The following SH2D1A variants were observed in gnomAD, a reference collection of about 807,000 sequenced individuals.
The protein encoded by SH2D1A is SH2 domain containing 1A.
A neutral mutation model predicts 10.1 loss-of-function variants in SH2D1A; 6 were observed. The observed-to-expected ratio is 0.60, with a 90% confidence interval of 0.33 to 1.18. SH2D1A has a LOEUF of 1.18. Ranked by LOEUF, SH2D1A falls within the 50% of genes most tolerant of loss-of-function variation. The pLI is 0.04. For missense variants in SH2D1A, 51 were observed against 97.6 expected (o/e 0.52, Z 2.01); for synonymous variants, 42 against 36.9 (o/e 1.14, Z -0.51).
chrX:124,358,626 A>G (rs2060031899), intron 1 of SH2D1A, among the ~76,000 whole-genome samples: 1 of 112,357 alleles, frequency 8.9e-6, no homozygotes, highest in South Asian at 3.7e-4. Context: ...CTAAAATAAA[A>G]TTGCATTCTT....
intron 1 of SH2D1A, among the ~76,000 whole-genome samples, chrX:124,348,266 C>A (rs952244185): frequency 9.0e-6 from 1 of 111,321 alleles, no homozygotes; most frequent in African/African-American, 3.3e-5. Flanking sequence ...TTCTTAGGCT[C>A]TTTTCTCATT....
At chrX:124,367,040 A>C (rs1460134717) in intron 2 of SH2D1A, among the ~76,000 whole-genome samples, 1 of 111,078 alleles carries the variant, frequency 9.0e-6, no homozygotes, top group African/African-American at 3.3e-5. Flanking sequence ...TTTGTTTTTC[A>C]ACTTGTTTTC....
At chrX:124,350,481 A>G (rs1472598104) in intron 1 of SH2D1A, among the ~76,000 whole-genome samples, 1 of 36,077 alleles carries the variant, frequency 2.8e-5, no homozygotes, top group African/African-American at 1.1e-4. Flanking sequence ...ATATATAAAT[A>G]TATATTATAT....
At chrX:124,352,630 G>A (rs979596081) in intron 1 of SH2D1A, among the ~76,000 whole-genome samples, 2 of 111,665 alleles carry the variant, frequency 1.8e-5, no homozygotes, top group Admixed American at 9.6e-5. Flanking sequence ...TGGCCAGATA[G>A]TATTCAATTG....
intron 1 of SH2D1A, among the ~76,000 whole-genome samples, chrX:124,360,314 T>C (rs761844115): frequency 1.1e-3 from 122 of 107,651 alleles, no homozygotes; most frequent in Non-Finnish European, 2.1e-3. Context: ...GTTCAGTGCA[T>C]GTCCTGGCTA....
chrX:124,368,896 A>G (rs759768499), intron 2 of SH2D1A, among the ~76,000 whole-genome samples: 1 of 112,100 alleles, frequency 8.9e-6, no homozygotes, highest in East Asian at 2.8e-4. Flanking sequence ...AAGAATGGCC[A>G]TGTTATTTTG....
At chrX:124,347,308 A>G (rs1226316366) in intron 1 of SH2D1A, among the ~76,000 whole-genome samples, 1 of 109,887 alleles carries the variant, frequency 9.1e-6, no homozygotes, top group Non-Finnish European at 1.9e-5. Context: ...GTGTCAGTAA[A>G]ATCACCTCTC....
chrX:124,350,634 A>C (rs1415556118), intron 1 of SH2D1A, among the ~76,000 whole-genome samples: 5 of 48,235 alleles, frequency 1.0e-4, no homozygotes, highest in Non-Finnish European at 1.6e-4. Context: ...TATATTATAT[A>C]TTGTATATAA....
rs781516186 is a variant in SH2D1A at position 124,371,724 on chromosome X, AG to A, written c.*334del. 2 of 179,970 alleles carry A rather than the reference AG, an allele frequency of 1.1e-5. No homozygotes were observed. Among genetic ancestry groups the A allele is most frequent in the East Asian group, 8.2e-5 (1 of 12,230 alleles). 14.8% of individuals were successfully genotyped at this position (179,970 alleles called of 1,213,427 possible). On this transcript the variant is annotated 3_prime_UTR_variant, in exon 4 of 4. Coordinates refer to ENST00000371139, the MANE Select transcript of SH2D1A (RefSeq NM_002351.5). ...AAAATAATCCTCAGTTTTTGTGAAA[AG>A]CTCCATTTTTAGTGAAATATTATTT... is the stretch of plus-strand genomic sequence containing the variant.
chrX:124,369,241 A>T (rs1334154993), intron 2 of SH2D1A, among the ~76,000 whole-genome samples: 1 of 106,941 alleles, frequency 9.4e-6, no homozygotes, highest in African/African-American at 3.4e-5. Flanking sequence ...AAAACAACTT[A>T]AAAAAAAAAC....
chrX:124,363,437 C>T (rs771917179), intron 1 of SH2D1A, among the ~76,000 whole-genome samples: 18 of 111,392 alleles, frequency 1.6e-4, no homozygotes, highest in South Asian at 1.1e-3. Flanking sequence ...TCCTTAACGA[C>T]GAACAGCATA....
chrX:124,361,588 T>G (rs886934536), intron 1 of SH2D1A, among the ~76,000 whole-genome samples: 4 of 112,039 alleles, frequency 3.6e-5, no homozygotes, highest in Non-Finnish European at 7.5e-5. Context: ...TTGGTAGAAC[T>G]ATGGATGTTG....
chrX:124,363,691 C>G (rs749407856), intron 1 of SH2D1A, among the ~76,000 whole-genome samples: 15 of 109,746 alleles, frequency 1.4e-4, no homozygotes, highest in Non-Finnish European at 2.8e-4. Context: ...GTCAGGAGTT[C>G]AAGACCAGCC....
intron 1 of SH2D1A, among the ~76,000 whole-genome samples, chrX:124,356,805 T>C (rs2060027624): frequency 8.9e-6 from 1 of 112,370 alleles, no homozygotes; most frequent in African/African-American, 3.2e-5. Flanking sequence ...AAGTGTAATT[T>C]TGAACCATTG....
intron 2 of SH2D1A, among the ~76,000 whole-genome samples, chrX:124,366,388 C>T (rs1349492218): frequency 4.5e-5 from 5 of 110,463 alleles, no homozygotes; most frequent in Admixed American, 2.9e-4. Context: ...CATTTGTAAA[C>T]GGAGCCTAAG....
intron 1 of SH2D1A, among the ~76,000 whole-genome samples, chrX:124,356,604 C>T (rs2060027140): frequency 9.0e-6 from 1 of 111,467 alleles, no homozygotes; most frequent in South Asian, 3.8e-4. Context: ...CGTGCCACCA[C>T]ACCCAGCAGT....
intron 1 of SH2D1A, chrX:124,364,510 C>A (rs1210357066): frequency 1.2e-5 from 2 of 171,198 alleles, no homozygotes; most frequent in Non-Finnish European, 2.0e-5. Flanking sequence ...TGAAGCGATA[C>A]AGTTTTTTTT....
intron 1 of SH2D1A, among the ~76,000 whole-genome samples, chrX:124,359,526 T>C (rs2060034693): frequency 8.9e-6 from 1 of 111,893 alleles, no homozygotes; most frequent in South Asian, 3.8e-4. Flanking sequence ...TATGTGGCTT[T>C]AAGAAAATCA....
chrX:124,369,788 T>G (rs1055595024), intron 2 of SH2D1A, among the ~76,000 whole-genome samples: 5 of 109,448 alleles, frequency 4.6e-5, no homozygotes, highest in Admixed American at 2.9e-4. Context: ...GTAGGATCTG[T>G]TTTTTTGTTT....
Sources: gnomAD v4.1 joint callset for allele counts (sites outside exome capture counted in the v4.1 genomes callset) on GRCh38, gnomAD v4.1.1 for gene constraint, MANE v1.5 for transcripts, NCBI Gene and HGNC (gene_info 2026-07-23, HGNC 2026-07-21) for gene names.